The following SLC25A48 variants were observed in gnomAD, a reference collection of about 807,000 sequenced individuals.
The protein encoded by SLC25A48 is solute carrier family 25 member 48, also known as CTC-321K16.1.
SLC25A48 carries 29 observed loss-of-function variants against 32.2 expected under a neutral mutation model. The observed-to-expected ratio is 0.90, with a 90% CI of 0.67 to 1.23. The LOEUF is 1.23. SLC25A48 is among the 50% of genes most tolerant of loss of function. The pLI is 0.00. For missense variants in SLC25A48, 399 were observed against 422.7 expected (o/e 0.94, Z 0.49); for synonymous variants, 164 against 172.3 (o/e 0.95, Z 0.38).
At position 135,717,571 on chromosome 5, in the gene SLC25A48, T is replaced by C. The variant is rs78181606; in HGVS notation, c.-521+82615T>C. ...CAGGGTGGATTCTAACTCCAATAAC[T>C]GGTGTCCTTTTATTAGAGAAAGGAG... is the stretch of plus-strand genomic sequence containing the variant. On this transcript the variant is annotated intron_variant, in intron 3 of 10. Transcript: ENST00000646290. Among the ~76,000 whole-genome samples the C allele has an allele frequency of 8.7e-3, 1,321 of 152,296 alleles. 11 individuals carry two copies. The highest frequency in any genetic ancestry group is 0.028 in the African/African-American group (1,156 of 41,552).
chr5:135,818,054 C>CCTCTCT lies in SLC25A48; in HGVS notation c.-117+5188_-117+5193dup, dbSNP rs58632457. Among the ~76,000 whole-genome samples the CCTCTCT allele has an allele frequency of 2.7e-4, 22 of 80,658 alleles. 1 individual carries two copies. The highest frequency in any genetic ancestry group is 8.3e-4 in the African/African-American group (16 of 19,298). 52.9% of individuals were successfully genotyped at this position (80,658 alleles called of 152,430 possible). A position where few individuals can be genotyped will look rare whatever the true frequency, so the allele number is the denominator to read the frequency against. ...GTTTCCCAGGTTTGTTCTCTCTGTT[C>CCTCTCT]CTCTCTCTCTCTCTCTCTCTCTCTC... On this transcript the variant is annotated intron_variant, in intron 4 of 10. Coordinates refer to the SLC25A48 transcript ENST00000646290.
At chr5:135,822,867 C>T in intron 4 of SLC25A48, among the ~76,000 whole-genome samples, 1 of 151,998 alleles carries the variant, frequency 6.6e-6, no homozygotes, top group East Asian at 1.9e-4. Context: ...GGTGGGCTTC[C>T]TAAGGATTAC....
intron 3 of SLC25A48, among the ~76,000 whole-genome samples, chr5:135,745,525 A>G (rs1245946963): frequency 1.3e-5 from 2 of 152,118 alleles, no homozygotes; most frequent in East Asian, 3.9e-4. Flanking sequence ...GCAACACAGC[A>G]AGATTCCCTC....
upstream of SLC25A48, among the ~76,000 whole-genome samples, chr5:135,832,134 G>A (rs1054628696): frequency 8.5e-5 from 13 of 152,168 alleles, no homozygotes; most frequent in Non-Finnish European, 1.8e-4. Flanking sequence ...GATGACCCGA[G>A]CCACCCAGGT....
At chr5:135,725,289 G>A (rs988399952) in intron 3 of SLC25A48, among the ~76,000 whole-genome samples, 24 of 152,196 alleles carry the variant, frequency 1.6e-4, no homozygotes, top group African/African-American at 5.8e-4. Context: ...GATACTTCCT[G>A]AAGACAAGTG....
chr5:135,618,033 A>G (rs1418723878), intron 1 of SLC25A48, among the ~76,000 whole-genome samples: 1 of 151,198 alleles, frequency 6.6e-6, no homozygotes, highest in Non-Finnish European at 1.5e-5. Flanking sequence ...CCCAAGTATT[A>G]TTGTATTGAA....
intron 3 of SLC25A48, among the ~76,000 whole-genome samples, chr5:135,653,678 G>T (rs1262654523): frequency 1.3e-5 from 2 of 152,162 alleles, no homozygotes; most frequent in Admixed American, 6.5e-5. Context: ...GAGGGAGGGA[G>T]AAGACTTTCC....
chr5:135,687,897 T>C (rs6860550), intron 3 of SLC25A48, among the ~76,000 whole-genome samples: 6,919 of 152,266 alleles, frequency 0.045, 496 homozygotes, highest in African/African-American at 0.15. Context: ...ATTTTTAAAT[T>C]GTGGTAAAAT....
In SLC25A48 at chr5:135,764,041, A is replaced by T. The variant is rs116608723; in HGVS notation, c.-520-48482A>T. ...GATATTACTCCCCATATTTCGGGGG[A>T]TGTGATATGGTTCATAATATCCAGG... On this transcript the variant is annotated intron_variant, in intron 3 of 10. Coordinates refer to the SLC25A48 transcript ENST00000646290. Among the ~76,000 whole-genome samples, 1,358 of 151,914 alleles carry T rather than the reference A, an allele frequency of 8.9e-3. 24 individuals carry two copies. Among genetic ancestry groups the T allele is most frequent in the African/African-American group, 0.031 (1,281 of 41,420 alleles).
At chr5:135,772,880 G>A (rs966183245) in intron 3 of SLC25A48, among the ~76,000 whole-genome samples, 1 of 151,340 alleles carries the variant, frequency 6.6e-6, no homozygotes, top group Non-Finnish European at 1.5e-5. Flanking sequence ...TATTGCAGGG[G>A]GTGTACACTC....
intron 3 of SLC25A48, among the ~76,000 whole-genome samples, chr5:135,742,109 T>TA (rs1755513885): frequency 1.3e-5 from 2 of 152,208 alleles, no homozygotes; most frequent in African/African-American, 4.8e-5. Flanking sequence ...TTTGAGAGTC[T>TA]CATTCTGTCA....
intron 3 of SLC25A48, among the ~76,000 whole-genome samples, chr5:135,637,067 T>C (rs1307194355): frequency 2.0e-5 from 3 of 152,362 alleles, no homozygotes; most frequent in South Asian, 4.1e-4. Context: ...ATTTGTTTAA[T>C]AGCCATTTAG....
At chr5:135,806,705 T>A (rs936208697) in intron 3 of SLC25A48, among the ~76,000 whole-genome samples, 25 of 149,272 alleles carry the variant, frequency 1.7e-4, no homozygotes, top group African/African-American at 5.7e-4. Flanking sequence ...TTCATTAATA[T>A]ACTGTGTTAA....
intron 4 of SLC25A48, among the ~76,000 whole-genome samples, chr5:135,864,525 A>G (rs1761046578): frequency 1.3e-5 from 2 of 152,132 alleles, no homozygotes; most frequent in South Asian, 4.1e-4. Flanking sequence ...CCTGAAGACA[A>G]CCCAGGCCTG....
chr5:135,851,572 G>A (rs953886904), intron 3 of SLC25A48, among the ~76,000 whole-genome samples: 27 of 145,790 alleles, frequency 1.9e-4, no homozygotes, highest in Middle Eastern at 3.4e-3. Flanking sequence ...GTGTGTTCAC[G>A]TGTGTGTGTG....
intron 4 of SLC25A48, among the ~76,000 whole-genome samples, chr5:135,863,468 C>A (rs2126779075): frequency 6.6e-6 from 1 of 152,264 alleles, no homozygotes; most frequent in African/African-American, 2.4e-5. Flanking sequence ...ACCAAGCGAG[C>A]TGCAAATAAG....
At chr5:135,842,286 A>G in intron 1 of SLC25A48, 130 bp from the exon 2 acceptor site, 1 of 884,648 alleles carries the variant, frequency 1.1e-6, no homozygotes, top group Non-Finnish European at 1.9e-6. Flanking sequence ...AGCACATTGG[A>G]GCCCACCCAC....
intron 4 of SLC25A48, among the ~76,000 whole-genome samples, chr5:135,862,824 C>A (rs1183549280): frequency 2.0e-5 from 3 of 152,100 alleles, no homozygotes; most frequent in Non-Finnish European, 2.9e-5. Context: ...ACAAGCAATG[C>A]AGGGATGGTG....
At chr5:135,875,748 C>A (rs76826387) in intron 6 of SLC25A48, 5,907 of 152,342 alleles carry the variant, frequency 0.039, 167 homozygotes, top group Non-Finnish European at 0.056. Context: ...AACAGTGAGA[C>A]CTGTCCTAAG....
Sources: gnomAD v4.1 joint callset for allele counts (sites outside exome capture counted in the v4.1 genomes callset) on GRCh38, gnomAD v4.1.1 for gene constraint, MANE v1.5 for transcripts, NCBI Gene and HGNC (gene_info 2026-07-23, HGNC 2026-07-21) for gene names.